DTNA: variants seen among roughly 807,000 people sequenced by gnomAD.
DTNA encodes the protein dystrophin-related protein 3.
Under a neutral mutation model 100.7 loss-of-function variants are expected in DTNA, and 43 were observed. The ratio of observed to expected loss-of-function variants is 0.43; its 90% CI spans 0.33 to 0.55. DTNA has a LOEUF of 0.55. DTNA is among the 20% of genes least tolerant of loss of function. The pLI is 0.04. For synonymous variants in DTNA, 349 were observed against 347.9 expected (o/e 1.00, Z -0.04); for missense variants, 798 against 953.9 (o/e 0.84, Z 2.15).
intron 13 of DTNA, among the ~76,000 whole-genome samples, chr18:34,843,913 TC>T (rs1325906668): frequency 2.0e-5 from 3 of 152,256 alleles, no homozygotes; most frequent in East Asian, 3.9e-4. Flanking sequence ...GAAATTATAA[TC>T]TGTTGAAAGA....
At chr18:34,815,577 A>G (rs1338160416) in intron 6 of DTNA, 1 of 273,312 alleles carries the variant, frequency 3.7e-6, no homozygotes, top group Non-Finnish European at 7.1e-6. Context: ...GTAAAATTCC[A>G]TGGAGAATTT....
At chr18:34,687,706 C>G (rs1220847832) in intron 1 of DTNA, among the ~76,000 whole-genome samples, 1 of 152,174 alleles carries the variant, frequency 6.6e-6, no homozygotes, top group Non-Finnish European at 1.5e-5. Context: ...TGTTAATCTT[C>G]TGTCTCATTG....
chr18:34,844,948 T>C (rs2096349665), intron 13 of DTNA, among the ~76,000 whole-genome samples: 1 of 152,110 alleles, frequency 6.6e-6, no homozygotes, highest in South Asian at 2.1e-4. Flanking sequence ...GTGGAGGGCT[T>C]TCAAAATAAT....
chr18:34,727,645 A>G (rs1330848911), intron 1 of DTNA, among the ~76,000 whole-genome samples: 1 of 151,956 alleles, frequency 6.6e-6, no homozygotes, highest in Non-Finnish European at 1.5e-5. Context: ...GCTCACTGCA[A>G]CCTCCACCTC....
chr18:34,578,812 T>G (rs2048355690), intron 1 of DTNA, among the ~76,000 whole-genome samples: 1 of 152,198 alleles, frequency 6.6e-6, no homozygotes. Context: ...CTCTATTCTG[T>G]TCCATTGGTC....
chr18:34,770,103 T>A (rs992995105), intron 3 of DTNA, among the ~76,000 whole-genome samples: 6 of 152,278 alleles, frequency 3.9e-5, no homozygotes, highest in African/African-American at 1.4e-4. Context: ...AGTCCCCACC[T>A]GGTAATACCA....
intron 1 of DTNA, among the ~76,000 whole-genome samples, chr18:34,626,728 G>T (rs564599287): frequency 6.6e-6 from 1 of 152,214 alleles, no homozygotes; most frequent in Non-Finnish European, 1.5e-5. Context: ...CTGAATTTTT[G>T]TAAGGCTTTA....
intron 1 of DTNA, among the ~76,000 whole-genome samples, chr18:34,647,849 G>C (rs1470283232): frequency 1.3e-5 from 2 of 152,184 alleles, no homozygotes; most frequent in African/African-American, 2.4e-5. Context: ...ACAGTGCTTA[G>C]TGCACAGTAG....
chr18:34,738,207 G>A (rs2090005491), intron 1 of DTNA, among the ~76,000 whole-genome samples: 1 of 152,142 alleles, frequency 6.6e-6, no homozygotes, highest in South Asian at 2.1e-4. Flanking sequence ...AAAGATTCGG[G>A]ACTTCAAATT....
intron 9 of DTNA, chr18:34,825,346 C>G (rs144390161): frequency 6.9e-6 from 11 of 1,588,940 alleles, no homozygotes; most frequent in Middle Eastern, 3.9e-4. Flanking sequence ...GGATGAGACA[C>G]AAAACAAGTG....
At chr18:34,599,030 T>G (rs2051234571) in intron 1 of DTNA, among the ~76,000 whole-genome samples, 1 of 152,208 alleles carries the variant, frequency 6.6e-6, no homozygotes, top group Non-Finnish European at 1.5e-5. Context: ...TTTAATTAAT[T>G]TTATACTCTT....
intron 1 of DTNA, among the ~76,000 whole-genome samples, chr18:34,736,485 G>A (rs1048078707): frequency 2.6e-5 from 4 of 152,092 alleles, no homozygotes; most frequent in African/African-American, 9.7e-5. Flanking sequence ...TTAAAATGGA[G>A]TCACAGATAA....
chr18:34,860,043 T>C (rs562815816), intron 16 of DTNA, among the ~76,000 whole-genome samples: 3 of 147,144 alleles, frequency 2.0e-5, no homozygotes, highest in South Asian at 4.2e-4. Flanking sequence ...CTTTTTGTTT[T>C]TGTTTGTTTG....
intron 1 of DTNA, among the ~76,000 whole-genome samples, chr18:34,500,122 G>C (rs2039734844): frequency 6.6e-6 from 1 of 151,910 alleles, no homozygotes; most frequent in Non-Finnish European, 1.5e-5. Context: ...ATGGGATTTT[G>C]ATAGGAATTA....
chr18:34,741,478 T>G (rs1220970749), intron 1 of DTNA, among the ~76,000 whole-genome samples: 1 of 152,186 alleles, frequency 6.6e-6, no homozygotes, highest in Non-Finnish European at 1.5e-5. Flanking sequence ...ATATTGACAC[T>G]TAAATGGTTT....
At chr18:34,751,042 C>G (rs962528020) in intron 1 of DTNA, among the ~76,000 whole-genome samples, 9 of 152,174 alleles carry the variant, frequency 5.9e-5, no homozygotes, top group Non-Finnish European at 1.0e-4. Flanking sequence ...TGGAGCCATC[C>G]CTGTCCAGCG....
chr18:34,848,409 G>T (rs375509472), intron 14 of DTNA, 26 bp downstream of exon 14: 2 of 1,610,862 alleles, frequency 1.2e-6, no homozygotes, highest in East Asian at 2.2e-5. Context: ...AAAAGGATTC[G>T]TCTGTTGGCA....
chr18:34,758,476 A>C (rs775339097), intron 2 of DTNA, among the ~76,000 whole-genome samples: 4 of 152,254 alleles, frequency 2.6e-5, no homozygotes, highest in Middle Eastern at 3.2e-3. Context: ...AAAGGCAGGA[A>C]GTACTTTAAG....
intron 14 of DTNA, among the ~76,000 whole-genome samples, chr18:34,848,890 T>G (rs1421782783): frequency 6.6e-6 from 1 of 152,218 alleles, no homozygotes; most frequent in African/African-American, 2.4e-5. Context: ...GAGTTGCTAT[T>G]AGTGCGTCAC....
Sources: allele counts gnomAD v4.1 joint callset (sites outside exome capture counted in the v4.1 genomes callset), GRCh38; gene constraint gnomAD v4.1.1; transcripts MANE v1.5; gene names NCBI Gene and HGNC (gene_info 2026-07-23, HGNC 2026-07-21).